Variants in DLG2 observed in about 807,000 individuals in gnomAD.
DLG2 encodes disks large homolog 2.
A neutral mutation model predicts 132.5 loss-of-function variants in DLG2; 45 were observed. The observed-to-expected ratio is 0.34, with a 90% CI of 0.27 to 0.44. The LOEUF (loss-of-function observed/expected upper bound fraction) is 0.44. DLG2 is among the 20% of genes least tolerant of loss of function. The pLI is 1.00. For synonymous variants in DLG2, 424 were observed against 419.6 expected (o/e 1.01, Z -0.13); for missense variants, 1,045 against 1,196.9 (o/e 0.87, Z 1.87).
intron 11 of DLG2, among the ~76,000 whole-genome samples, chr11:84,027,262 AAAT>A (rs1031729351): frequency 9.9e-5 from 15 of 152,264 alleles, no homozygotes; most frequent in Non-Finnish European, 1.6e-4. Flanking sequence ...TTTATTAGAA[AAAT>A]AAAAGCAGAG....
At chr11:85,518,788 G>A (rs1389115488) in intron 3 of DLG2, among the ~76,000 whole-genome samples, 5 of 152,158 alleles carry the variant, frequency 3.3e-5, no homozygotes, top group Admixed American at 3.3e-4. Flanking sequence ...AACATGGCTT[G>A]GTGGGCCAGG....
chr11:85,430,963 C>A (rs1264578942), intron 3 of DLG2, among the ~76,000 whole-genome samples: 2 of 151,722 alleles, frequency 1.3e-5, no homozygotes, highest in Non-Finnish European at 2.9e-5. Flanking sequence ...CAGAGCGAGA[C>A]TCTGTCTCAA....
intron 9 of DLG2, among the ~76,000 whole-genome samples, chr11:84,135,363 T>A (rs1328900226): frequency 6.6e-6 from 1 of 152,038 alleles, no homozygotes; most frequent in Non-Finnish European, 1.5e-5. Context: ...CAAATATACG[T>A]TTTTTAAAGG....
intron 19 of DLG2, among the ~76,000 whole-genome samples, chr11:83,576,229 C>A (rs2096871687): frequency 6.6e-6 from 1 of 151,946 alleles, no homozygotes; most frequent in Non-Finnish European, 1.5e-5. Flanking sequence ...ACCAAACTAA[C>A]CGTGAAAAAA....
intron 3 of DLG2, among the ~76,000 whole-genome samples, chr11:85,408,183 T>C (rs1417486833): frequency 5.4e-5 from 8 of 149,170 alleles, no homozygotes; most frequent in Non-Finnish European, 1.5e-5. Context: ...ATCTAATATT[T>C]ATAGAAATCT....
intron 4 of DLG2, among the ~76,000 whole-genome samples, chr11:85,256,749 T>C (rs1034266162): frequency 6.6e-6 from 1 of 152,122 alleles, no homozygotes. Context: ...ACTCTCCCAT[T>C]TCAATTAGAA....
At chr11:85,475,484 A>C (rs2093113673) in intron 3 of DLG2, among the ~76,000 whole-genome samples, 1 of 152,086 alleles carries the variant, frequency 6.6e-6, no homozygotes, top group Non-Finnish European at 1.5e-5. Context: ...CTAGCAATGT[A>C]ATTTTTAATT....
At chr11:84,013,601 G>T (rs1255797006) in intron 11 of DLG2, among the ~76,000 whole-genome samples, 2 of 151,966 alleles carry the variant, frequency 1.3e-5, no homozygotes. Flanking sequence ...GGGCGTGGTG[G>T]CTCACACCTG....
At position 84,785,728 on chromosome 11, in the gene DLG2, C is replaced by T. The variant is rs574456448; in HGVS notation, c.358-250997G>A. Among the ~76,000 whole-genome samples the T allele has an allele frequency of 3.9e-5, 6 of 152,028 alleles. No individual in the cohort carries two copies. The South Asian group carries it at 1.0e-3, about 26-fold the overall frequency. ...TTTTTAAATAATATCTTTATGAAATCATGGATCTAAACATTTTTATTATGT... is the reference window on the plus strand; with the variant it reads ...TTTTTAAATAATATCTTTATGAAATTATGGATCTAAACATTTTTATTATGT... On this transcript the variant is annotated intron_variant, in intron 6 of 27. Coordinates refer to ENST00000376104, the MANE Select transcript of DLG2 (RefSeq NM_001142699.3).
intron 3 of DLG2, among the ~76,000 whole-genome samples, chr11:85,539,907 C>T (rs1565656972): frequency 6.6e-6 from 1 of 152,160 alleles, no homozygotes. Flanking sequence ...TCAGGCACAC[C>T]TTAAGCAATG....
chr11:84,136,075 T>C (rs997000633), intron 9 of DLG2, among the ~76,000 whole-genome samples: 1 of 152,022 alleles, frequency 6.6e-6, no homozygotes, highest in East Asian at 1.9e-4. Context: ...GATCCCAAGG[T>C]GAGAATATAA....
chr11:84,828,401 G>A (rs1192043974), intron 6 of DLG2, among the ~76,000 whole-genome samples: 1 of 151,810 alleles, frequency 6.6e-6, no homozygotes, highest in East Asian at 1.9e-4. Flanking sequence ...TTTATTCAAG[G>A]ACTAAAGTGT....
rs145089309 is a variant in DLG2, at chr11:84,519,970, A to T, written c.519+14600T>A. On this transcript the variant is annotated intron_variant, in intron 7 of 27. Coordinates refer to ENST00000376104, the MANE Select transcript of DLG2 (RefSeq NM_001142699.3). Reference sequence around the variant, plus strand: ...GAAAGGGGTCATAGTTTTTCAAATCAATTTCTCAAAGTAATTTATGTGTGG... The same window carrying T: ...GAAAGGGGTCATAGTTTTTCAAATCTATTTCTCAAAGTAATTTATGTGTGG... Among the ~76,000 whole-genome samples, 401 of 152,214 alleles carry T rather than the reference A, an allele frequency of 2.6e-3. 2 individuals are homozygous for T. The highest frequency in any genetic ancestry group is 9.0e-3 in the African/African-American group (375 of 41,542).
At chr11:84,631,029 C>G (rs2099631135) in intron 6 of DLG2, among the ~76,000 whole-genome samples, 2 of 127,764 alleles carry the variant, frequency 1.6e-5, no homozygotes, top group Admixed American at 1.5e-4. Context: ...CACACACACA[C>G]ACACACACAC....
At chr11:83,879,768 G>A (rs1383642588) in intron 15 of DLG2, among the ~76,000 whole-genome samples, 1 of 152,122 alleles carries the variant, frequency 6.6e-6, no homozygotes. Flanking sequence ...GATTGTGTTA[G>A]GTGCTTGGGA....
chr11:84,022,411 A>G (rs186332470), intron 11 of DLG2, among the ~76,000 whole-genome samples: 3 of 152,310 alleles, frequency 2.0e-5, no homozygotes, highest in Admixed American at 1.3e-4. Context: ...TTACTCCTGC[A>G]AAATGTGCTG....
Position 85,025,701 on chromosome 11 carries a change from C to T in DLG2, c.357+85960G>A, listed in dbSNP as rs2060457930. 2.0e-5 allele frequency among the ~76,000 whole-genome samples: 3 copies of T among 152,034 alleles called. No individual in the cohort carries two copies. In the South Asian group the frequency reaches 6.2e-4, roughly 32 times the overall value. ...ACAGTCTGGTAATTGCAGAGATATTCTGTAAAAGTTGGCTAATAAGAAGGT... is the reference window on the plus strand; with the variant it reads ...ACAGTCTGGTAATTGCAGAGATATTTTGTAAAAGTTGGCTAATAAGAAGGT... On this transcript the variant is annotated intron_variant, in intron 6 of 27. Coordinates refer to ENST00000376104, the MANE Select transcript of DLG2 (RefSeq NM_001142699.3).
intron 7 of DLG2, among the ~76,000 whole-genome samples, chr11:84,267,672 C>G (rs969249030): frequency 1.1e-4 from 16 of 152,194 alleles, no homozygotes; most frequent in Non-Finnish European, 1.2e-4. Context: ...AGTCACAGTC[C>G]AGCCTCTCTT....
chr11:83,708,305 T>C (rs1291548342), intron 18 of DLG2, among the ~76,000 whole-genome samples: 2 of 152,190 alleles, frequency 1.3e-5, no homozygotes, highest in Admixed American at 1.3e-4. Context: ...AAATATTTGT[T>C]GAATGTCAGA....
Sources: allele counts gnomAD v4.1 joint callset (sites outside exome capture counted in the v4.1 genomes callset), GRCh38; gene constraint gnomAD v4.1.1; transcripts MANE v1.5; gene names NCBI Gene and HGNC (gene_info 2026-07-23, HGNC 2026-07-21).